WDR7: variants seen among roughly 807,000 people sequenced by gnomAD.
WDR7 encodes the protein WD repeat-containing protein 7.
Under a neutral mutation model 169.4 loss-of-function variants are expected in WDR7, and 46 were observed. That is an observed-to-expected ratio of 0.27 (90% CI 0.21 to 0.35). The LOEUF (loss-of-function observed/expected upper bound fraction) is 0.35, where lower values mean the gene tolerates loss of function less well. Among genes scored for constraint, WDR7 ranks in the 10% least tolerant of loss-of-function variants. The probability of loss-of-function intolerance (pLI) is 1.00; values close to 1 mark genes in which losing one functional copy is unlikely to be tolerated. For missense variants in WDR7, 1,534 were observed against 1,859.3 expected (o/e 0.83, Z 3.22); for synonymous variants, 612 against 666.8 (o/e 0.92, Z 1.27).
At chr18:56,891,826 A>C (rs958224970) in intron 21 of WDR7, among the ~76,000 whole-genome samples, 1 of 152,010 alleles carries the variant, frequency 6.6e-6, no homozygotes, top group Admixed American at 6.6e-5. Context: ...TACACATTTT[A>C]TATGTTTAAA....
intron 26 of WDR7, among the ~76,000 whole-genome samples, chr18:56,979,181 C>T (rs2047608003): frequency 6.6e-6 from 1 of 152,090 alleles, no homozygotes; most frequent in Admixed American, 6.5e-5. Flanking sequence ...TAGATATTTG[C>T]AGTCTATATA....
At chr18:56,811,744 C>G (rs1268703945) in intron 19 of WDR7, among the ~76,000 whole-genome samples, 2 of 152,002 alleles carry the variant, frequency 1.3e-5, no homozygotes, top group Admixed American at 6.6e-5. Context: ...TATCCTTCCC[C>G]CATCGAATTG....
intron 26 of WDR7, among the ~76,000 whole-genome samples, chr18:56,999,809 G>C (rs1267466915): frequency 6.6e-6 from 1 of 152,114 alleles, no homozygotes; most frequent in Non-Finnish European, 1.5e-5. Flanking sequence ...GAACCTTGTA[G>C]CTGGGGCAGA....
intron 13 of WDR7, among the ~76,000 whole-genome samples, chr18:56,726,925 C>T (rs1445203860): frequency 1.3e-5 from 2 of 152,054 alleles, no homozygotes; most frequent in African/African-American, 2.4e-5. Context: ...TGGGTACTTT[C>T]TTCATAGTCA....
chr18:56,777,864 T>C (rs985200288), intron 17 of WDR7, among the ~76,000 whole-genome samples: 2 of 152,206 alleles, frequency 1.3e-5, no homozygotes, highest in Admixed American at 6.5e-5. Flanking sequence ...TAATAAGGTT[T>C]GTATGTTAAG....
intron 12 of WDR7, among the ~76,000 whole-genome samples, chr18:56,713,412 A>G (rs2026125354): frequency 6.6e-6 from 1 of 152,192 alleles, no homozygotes; most frequent in Non-Finnish European, 1.5e-5. Flanking sequence ...ATTACAATTT[A>G]GGTGATACAT....
intron 16 of WDR7, among the ~76,000 whole-genome samples, chr18:56,770,314 A>G (rs748499102): frequency 3.3e-5 from 5 of 152,224 alleles, no homozygotes; most frequent in Non-Finnish European, 7.3e-5. Context: ...TGCTTAGCCC[A>G]ATATCGACAT....
At chr18:56,676,572 A>G (rs933933828) in intron 2 of WDR7, among the ~76,000 whole-genome samples, 2 of 152,160 alleles carry the variant, frequency 1.3e-5, no homozygotes, top group African/African-American at 4.8e-5. Flanking sequence ...TGAGATTACC[A>G]TGAGGCTTGC....
At chr18:56,922,567 T>A (rs2046741980) in intron 21 of WDR7, among the ~76,000 whole-genome samples, 2 of 152,168 alleles carry the variant, frequency 1.3e-5, no homozygotes, top group Non-Finnish European at 2.9e-5. Context: ...AATTTTGGGA[T>A]GTTTAGTTTA....
At chr18:56,786,279 C>G (rs1222175602) in intron 19 of WDR7, among the ~76,000 whole-genome samples, 2 of 152,218 alleles carry the variant, frequency 1.3e-5, no homozygotes, top group East Asian at 3.9e-4. Context: ...GCCTGTAATC[C>G]TAGCACTTTG....
chr18:56,987,734 G>A (rs2047745028), intron 26 of WDR7, among the ~76,000 whole-genome samples: 2 of 152,100 alleles, frequency 1.3e-5, no homozygotes, highest in South Asian at 4.1e-4. Context: ...AGTATATCAC[G>A]TTATTTTTTG....
intron 21 of WDR7, among the ~76,000 whole-genome samples, chr18:56,911,939 C>G (rs1011763097): frequency 6.6e-6 from 1 of 152,068 alleles, no homozygotes; most frequent in Non-Finnish European, 1.5e-5. Flanking sequence ...TACTTTAATT[C>G]TTAACTCTCT....
chr18:56,720,097 A>T (rs1172345428), intron 13 of WDR7, among the ~76,000 whole-genome samples: 1 of 152,208 alleles, frequency 6.6e-6, no homozygotes, highest in East Asian at 1.9e-4. Flanking sequence ...GGGAATTAGT[A>T]TTAAAGAAAG....
At chr18:56,904,762 A>C (rs747441279) in intron 21 of WDR7, among the ~76,000 whole-genome samples, 1 of 152,086 alleles carries the variant, frequency 6.6e-6, no homozygotes, top group Non-Finnish European at 1.5e-5. Flanking sequence ...TGCTTAGGAA[A>C]CTCACCTTCA....
rs559708242 is a variant in WDR7 at position 56,762,908 on chromosome 18, T to C, written c.2848+3955T>C. Among the ~76,000 whole-genome samples, 6 of 152,134 alleles carry C rather than the reference T, an allele frequency of 3.9e-5. No homozygotes were observed. In the South Asian group the frequency reaches 1.0e-3, roughly 26 times the overall value. On this transcript the variant is annotated intron_variant, in intron 16 of 27. Transcript: ENST00000254442. Reference sequence around the variant, plus strand: ...TTACCTTAGTAAGAATTTTTTTTTTTTTTTACCTTGGGTTGCCTACGAATA... The same window carrying C: ...TTACCTTAGTAAGAATTTTTTTTTTCTTTTACCTTGGGTTGCCTACGAATA...
chr18:56,876,244 A>G (rs576110791), intron 20 of WDR7, among the ~76,000 whole-genome samples: 39 of 152,290 alleles, frequency 2.6e-4, no homozygotes, highest in African/African-American at 8.9e-4. Context: ...GACCTTTGTT[A>G]TACTCATTTA....
At chr18:56,880,564 A>G (rs181431122) in intron 21 of WDR7, among the ~76,000 whole-genome samples, 292 of 152,310 alleles carry the variant, frequency 1.9e-3, no homozygotes, top group Middle Eastern at 0.017. Flanking sequence ...TTGAAAAGAA[A>G]ATATATTCAT....
chr18:56,988,237 A>G (rs1047765078), intron 26 of WDR7, among the ~76,000 whole-genome samples: 4 of 152,188 alleles, frequency 2.6e-5, no homozygotes, highest in Non-Finnish European at 5.9e-5. Context: ...ATGACACCCC[A>G]AGTGTGTTGT....
At chr18:56,835,393 G>T (rs1173900880) in intron 20 of WDR7, among the ~76,000 whole-genome samples, 2 of 152,016 alleles carry the variant, frequency 1.3e-5, no homozygotes. Context: ...TACATTTGTA[G>T]TATTGTACCT....
Sources: gnomAD v4.1 joint callset for allele counts (sites outside exome capture counted in the v4.1 genomes callset) on GRCh38, gnomAD v4.1.1 for gene constraint, MANE v1.5 for transcripts, NCBI Gene and HGNC (gene_info 2026-07-23, HGNC 2026-07-21) for gene names.